Variants in SLC25A1 observed in about 807,000 individuals in gnomAD.
The protein encoded by SLC25A1 is tricarboxylate transport protein, mitochondrial.
In SLC25A1, 26 loss-of-function variants were observed where a neutral mutation model predicts 38.1. The ratio of observed to expected loss-of-function variants is 0.68; its 90% confidence interval spans 0.50 to 0.95. The LOEUF (loss-of-function observed/expected upper bound fraction) is 0.95, where lower values mean the gene tolerates loss of function less well. Among genes scored for constraint, SLC25A1 ranks in the 40% least tolerant of loss-of-function variants. The probability of loss-of-function intolerance (pLI) is 0.00; values close to 1 mark genes in which losing one functional copy is unlikely to be tolerated. For missense variants in SLC25A1, 378 were observed against 426.6 expected (o/e 0.89, Z 1.00); for synonymous variants, 211 against 183.2 (o/e 1.15, Z -1.23).
rs562381028 is a variant in SLC25A1 at position 19,178,603 on chromosome 22, T to G, written c.71A>C (p.His24Pro). 7.5e-6 allele frequency: 9 copies of G among 1,206,632 alleles called. No homozygotes were observed. Among genetic ancestry groups the G allele is most frequent in the Non-Finnish European group, 9.3e-6 (9 of 971,786 alleles). The allele number at this position is 1,206,632 out of a possible 1,614,324, so 74.7% of individuals were successfully genotyped here. A position where few individuals can be genotyped will look rare whatever the true frequency, so the allele number is the denominator to read the frequency against. The change falls in exon 1 of 9, where the codon CAC (histidine) becomes CCC (proline). Residue 24 changes from histidine to proline, a missense_variant. Transcript: ENST00000215882. This position sits in a 1 kb window ranked among gnomAD's most constrained non-coding sequence, Gnocchi z 4.9. ...ACCTGCCAGGATCGCCTTCCCCGGGTGCGTCAGCTTGGCCTTCCCGGACGC... is the reference window on the plus strand; with the variant it reads ...ACCTGCCAGGATCGCCTTCCCCGGGGGCGTCAGCTTGGCCTTCCCGGACGC... ...APASGKAKLT[H>P]PGKAILAGGL...
At chr22:19,176,995 C>G in intron 5 of SLC25A1, 45 bp from the exon 6 acceptor site, 1 of 1,607,212 alleles carries the variant, frequency 6.2e-7, no homozygotes, top group Non-Finnish European at 8.5e-7. Flanking sequence ...CTCTCAGGCC[C>G]CGGTTGGGAA....
chr22:19,175,945 G>A lies in SLC25A1; in HGVS notation c.*185C>T. The A allele has an allele frequency of 6.7e-6, 2 of 300,286 alleles. No homozygotes were observed. Among genetic ancestry groups the A allele is most frequent in the Non-Finnish European group, 1.1e-5 (2 of 182,686 alleles). 18.6% of individuals were successfully genotyped at this position (300,286 alleles called of 1,614,324 possible). On this transcript the variant is annotated 3_prime_UTR_variant, in exon 9 of 9. Transcript: ENST00000215882. ...GCTGGGCCAGACACTGGGACACAGT[G>A]GTGGTGTCACACACAGACCACAGGG...
rs2276468 is a variant in SLC25A1, at chr22:19,178,371, G to T, written c.95-131C>A. 2 of 1,447,908 alleles carry T rather than the reference G, an allele frequency of 1.4e-6. No homozygotes were observed. Among genetic ancestry groups the T allele is most frequent in the Admixed American group, 2.8e-5 (1 of 35,816 alleles). 89.7% of individuals were successfully genotyped at this position (1,447,908 alleles called of 1,614,324 possible). On this transcript the variant is annotated intron_variant, in intron 1 of 8. Coordinates refer to ENST00000215882, the MANE Select transcript of SLC25A1 (RefSeq NM_005984.5). The surrounding 1 kb of genome is among the most constrained non-coding windows in gnomAD (Gnocchi z 4.9). ...CGGGGAACATAGGCTGGGGCCCCAC[G>T]CCCCCATGCCCTCACCCCGTTGTCC... is the stretch of plus-strand genomic sequence containing the variant.
intron 5 of SLC25A1, 64 bp downstream of exon 5, chr22:19,177,056 G>A: frequency 6.4e-7 from 1 of 1,570,190 alleles, no homozygotes; most frequent in Admixed American, 1.7e-5. Context: ...CAGGATGGGA[G>A]GTGCAGGCCC....
In SLC25A1 at chr22:19,176,574, C is replaced by A; in HGVS notation, c.747+4G>T. 7 of 1,612,812 alleles carry A rather than the reference C, an allele frequency of 4.3e-6. No homozygotes were observed. The South Asian group carries it at 5.5e-5, about 13-fold the overall frequency. On this transcript the variant is annotated splice_donor_region_variant and intron_variant, in intron 7 of 8. Transcript: ENST00000215882. ...CCTTCCCCTCCCCTTCCCGGCCCCA[C>A]CACCTGCATCCGGGTCTTAATCACA... is the stretch of plus-strand genomic sequence containing the variant.
At position 19,176,783 on chromosome 22, in the gene SLC25A1, G is replaced by A. The variant is rs1358512382; in HGVS notation, c.631+63C>T. On this transcript the variant is annotated intron_variant, in intron 6 of 8. Coordinates refer to ENST00000215882, the MANE Select transcript of SLC25A1 (RefSeq NM_005984.5). ...AGGTGGGTGCCCGCCACCCAGGGGT[G>A]GCCCCAAGGAGAGGAGAGGAGCTGG... 5.6e-6 allele frequency: 9 copies of A among 1,597,676 alleles called. No individual in the cohort carries two copies. The African/African-American group carries it at 9.4e-5, about 17-fold the overall frequency.
In SLC25A1 at chr22:19,178,610, G is replaced by A. The variant is rs1176315953; in HGVS notation, c.64C>T (p.Leu22=). ...AGGATCGCCTTCCCCGGGTGCGTCA[G>A]CTTGGCCTTCCCGGACGCGGGCGCG... ...AAAPASGKAK[L]THPGKAILAG... Residue 22 remains leucine, a synonymous_variant, in exon 1 of 9, where the codon CTG becomes TTG. Transcript: ENST00000215882. The surrounding 1 kb of genome is among the most constrained non-coding windows in gnomAD (Gnocchi z 4.9). 8.3e-7 allele frequency: 1 copy of A among 1,206,476 alleles called. No individual in the cohort carries two copies. Among genetic ancestry groups the A allele is most frequent in the East Asian group, 3.4e-5 (1 of 29,516 alleles). 74.7% of individuals were successfully genotyped at this position (1,206,476 alleles called of 1,614,324 possible).
At position 19,178,322 on chromosome 22, in the gene SLC25A1, G is replaced by A. The variant is rs1282708171; in HGVS notation, c.95-82C>T. The stretch of plus-strand genomic sequence containing the variant: ...CCCTCCCCCGTCCCGGACTTCGGTC[G>A]GCGCGGCCGCCGCGCCAGTGCCGCG... On this transcript the variant is annotated intron_variant, in intron 1 of 8. Transcript: ENST00000215882. The surrounding 1 kb of genome is among the most constrained non-coding windows in gnomAD (Gnocchi z 4.9). The A allele has an allele frequency of 6.6e-6, 10 of 1,522,734 alleles. No individual in the cohort carries two copies. The highest frequency in any genetic ancestry group is 8.8e-6 in the Non-Finnish European group (10 of 1,135,846). The allele number at this position is 1,522,734 out of a possible 1,614,324, so 94.3% of individuals were successfully genotyped here. A position where few individuals can be genotyped will look rare whatever the true frequency, so the allele number is the denominator to read the frequency against.
intron 4 of SLC25A1, among the ~76,000 whole-genome samples, chr22:19,177,472 G>A (rs148359875): frequency 2.1e-3 from 322 of 152,350 alleles, no homozygotes; most frequent in African/African-American, 7.4e-3. Flanking sequence ...GGCAGTGAAG[G>A]TGTCATTTTG....
Position 19,178,318 on chromosome 22 carries a change from G to T in SLC25A1, c.95-78C>A. ...GGGCCCCTCCCCCGTCCCGGACTTC[G>T]GTCGGCGCGGCCGCCGCGCCAGTGC... On this transcript the variant is annotated intron_variant, in intron 1 of 8. Coordinates refer to ENST00000215882, the MANE Select transcript of SLC25A1 (RefSeq NM_005984.5). The surrounding 1 kb of genome is among the most constrained non-coding windows in gnomAD (Gnocchi z 4.9). The T allele has an allele frequency of 6.6e-7, 1 of 1,525,054 alleles. No individual in the cohort carries two copies. The allele number at this position is 1,525,054 out of a possible 1,614,324, so 94.5% of individuals were successfully genotyped here. A position where few individuals can be genotyped will look rare whatever the true frequency, so the allele number is the denominator to read the frequency against.
rs1340316958 is a variant in SLC25A1, at chr22:19,178,734, C to G, written c.-61G>C. On this transcript the variant is annotated 5_prime_UTR_variant, in exon 1 of 9. Transcript: ENST00000215882. The surrounding 1 kb of genome is among the most constrained non-coding windows in gnomAD (Gnocchi z 4.9). The stretch of plus-strand genomic sequence containing the variant: ...GGGTCCGAGACTCCAGAACTCCGCG[C>G]TCGGTCCGCGGTGGCGGCGGCGGCC... 1.2e-6 allele frequency: 1 copy of G among 844,418 alleles called. No homozygotes were observed. Among genetic ancestry groups the G allele is most frequent in the East Asian group, 8.2e-5 (1 of 12,234 alleles). The allele number at this position is 844,418 out of a possible 1,614,324, so 52.3% of individuals were successfully genotyped here.
Position 19,177,958 on chromosome 22 carries a change from G to T in SLC25A1, c.286C>A (p.Pro96Thr). 6.2e-7 allele frequency: 1 copy of T among 1,602,830 alleles called. No individual in the cohort carries two copies. Among genetic ancestry groups the T allele is most frequent in the Non-Finnish European group, 8.5e-7 (1 of 1,176,586 alleles). ...GGGCCTCACCTGACGGCCGCCTTGG[G>T]GATGGAACCGTAGAGCAGGGAGCTA... Reference protein sequence around the residue: ...GLSSLLYGSIPKAAVRFGMFE... With the variant: ...GLSSLLYGSITKAAVRFGMFE... The change falls in exon 3 of 9, where the codon CCC becomes ACC. Residue 96 changes from proline (P) to threonine (T), a missense_variant. Pro to Thr is a conservative substitution (Grantham distance 38, BLOSUM62 -1). Coordinates refer to ENST00000215882, the MANE Select transcript of SLC25A1 (RefSeq NM_005984.5).
rs2084014424 is a variant in SLC25A1, at chr22:19,178,691, GCGC to G, written c.-21_-19del. 1.9e-6 allele frequency: 2 copies of G among 1,061,516 alleles called. No homozygotes were observed. The highest frequency in any genetic ancestry group is 2.3e-6 in the Non-Finnish European group (2 of 870,514). The allele number at this position is 1,061,516 out of a possible 1,614,324, so 65.8% of individuals were successfully genotyped here. A position where few individuals can be genotyped will look rare whatever the true frequency, so the allele number is the denominator to read the frequency against. ...GCGGGCATGGCGGGCGGGAGGCGGG[GCGC>G]CCTGTGGCGGCTTCGGGTCCGAGAC... is the stretch of plus-strand genomic sequence containing the variant. On this transcript the variant is annotated 5_prime_UTR_variant, in exon 1 of 9. Transcript: ENST00000215882. The surrounding 1 kb of genome is among the most constrained non-coding windows in gnomAD (Gnocchi z 4.9).
At position 19,176,181 on chromosome 22, in the gene SLC25A1, G is replaced by A; in HGVS notation, c.885C>T (p.Val295=). ...GCAGCTTCACCACTTCATCATAGAT[G>A]ACAAACACTATGGCCACATCCAGGC... ...RVCLDVAIVF[V]IYDEVVKLLN... The change falls in exon 9 of 9, where the codon GTC becomes GTT. Residue 295 remains valine (V), a synonymous_variant. Coordinates refer to ENST00000215882, the MANE Select transcript of SLC25A1 (RefSeq NM_005984.5). 1 of 1,613,852 alleles carries A rather than the reference G, an allele frequency of 6.2e-7. No individual in the cohort carries two copies. The highest frequency in any genetic ancestry group is 1.1e-5 in the South Asian group (1 of 91,074).
Position 19,178,600 on chromosome 22 carries a change from G to T in SLC25A1, c.74C>A (p.Pro25Gln). ...PASGKAKLTH[P>Q]GKAILAGGLA... ...CCCACCTGCCAGGATCGCCTTCCCC[G>T]GGTGCGTCAGCTTGGCCTTCCCGGA... Residue 25 changes from proline to glutamine, a missense_variant, in exon 1 of 9, where the codon CCG becomes CAG. Pro to Gln is a moderately conservative substitution (Grantham distance 76, BLOSUM62 -1). Transcript: ENST00000215882. The surrounding 1 kb of genome is among the most constrained non-coding windows in gnomAD (Gnocchi z 4.9). The T allele has an allele frequency of 9.1e-6, 11 of 1,210,038 alleles. No homozygotes were observed. The highest frequency in any genetic ancestry group is 1.1e-5 in the Non-Finnish European group (11 of 973,626). 75.0% of individuals were successfully genotyped at this position (1,210,038 alleles called of 1,614,324 possible).
In SLC25A1 at chr22:19,177,881, G is replaced by T; in HGVS notation, c.303-16C>A. ...CATTCCAAACCTGGAGGCGGGAGGCGGGTGAGAGGGGCTGCCGCGGCCGAG... is the reference window on the plus strand; with the variant it reads ...CATTCCAAACCTGGAGGCGGGAGGCTGGTGAGAGGGGCTGCCGCGGCCGAG... On this transcript the variant is annotated splice_polypyrimidine_tract_variant and intron_variant, in intron 3 of 8. Transcript: ENST00000215882. The T allele has an allele frequency of 6.3e-7, 1 of 1,593,030 alleles. No homozygotes were observed. Among genetic ancestry groups the T allele is most frequent in the East Asian group, 2.3e-5 (1 of 44,014 alleles).
Position 19,178,134 on chromosome 22 carries a change from G to A in SLC25A1, c.201C>T (p.Ile67=), listed in dbSNP as rs1555923256. 4 of 1,543,492 alleles carry A rather than the reference G, an allele frequency of 2.6e-6. No homozygotes were observed. The Admixed American group carries it at 7.9e-5, about 31-fold the overall frequency. The part of the protein sequence containing the change: ...ERSHPPRYRG[I]GDCVRQTVRS... ...GCGCCGCGGCCTCCCCCTCCTCACCGATGCCCCGGTACCGCGGCGGGTGCG... is the reference window on the plus strand; with the variant it reads ...GCGCCGCGGCCTCCCCCTCCTCACCAATGCCCCGGTACCGCGGCGGGTGCG... The change falls in exon 2 of 9, where the codon ATC becomes ATT. Residue 67 remains isoleucine (I), a splice_region_variant and synonymous_variant. Coordinates refer to ENST00000215882, the MANE Select transcript of SLC25A1 (RefSeq NM_005984.5). This position sits in a 1 kb window ranked among gnomAD's most constrained non-coding sequence, Gnocchi z 4.9.
At position 19,175,902 on chromosome 22, in the gene SLC25A1, G is replaced by C. The variant is rs1050621693; in HGVS notation, c.*228C>G. The C allele has an allele frequency of 6.0e-5, 36 of 595,782 alleles. No homozygotes were observed. Among genetic ancestry groups the C allele is most frequent in the Non-Finnish European group, 1.0e-4 (33 of 329,304 alleles). 36.9% of individuals were successfully genotyped at this position (595,782 alleles called of 1,614,324 possible). On this transcript the variant is annotated 3_prime_UTR_variant, in exon 9 of 9. Coordinates refer to ENST00000215882, the MANE Select transcript of SLC25A1 (RefSeq NM_005984.5). ...AACACAGGCACAGGGTCATAGGCCA[G>C]ATGCACATCCAGCCATGGCTGGGCC...
chr22:19,178,655 G>T lies in SLC25A1; in HGVS notation c.19C>A (p.Pro7Thr). The T allele has an allele frequency of 3.4e-6, 4 of 1,162,126 alleles. No homozygotes were observed. Among genetic ancestry groups the T allele is most frequent in the Non-Finnish European group, 4.2e-6 (4 of 943,336 alleles). 72.0% of individuals were successfully genotyped at this position (1,162,126 alleles called of 1,614,324 possible). Residue 7 changes from proline (P) to threonine (T), a missense_variant, in exon 1 of 9, where the codon CCG becomes ACG. Coordinates refer to ENST00000215882, the MANE Select transcript of SLC25A1 (RefSeq NM_005984.5). The surrounding 1 kb of genome is among the most constrained non-coding windows in gnomAD (Gnocchi z 4.9). MPAPRA[P>T]RALAAAAPAS... is the part of the protein sequence containing the mutation. The stretch of plus-strand genomic sequence containing the variant: ...GGCGCGGCGGCCGCCAGAGCGCGCG[G>T]GGCGCGGGGCGCGGGCATGGCGGGC...
Sources: allele counts gnomAD v4.1 joint callset (sites outside exome capture counted in the v4.1 genomes callset), GRCh38; gene constraint gnomAD v4.1.1; non-coding constraint Gnocchi (gnomAD v3.1); transcripts MANE v1.5; gene names NCBI Gene and HGNC (gene_info 2026-07-23, HGNC 2026-07-21).